The following RTP2 variants were observed in gnomAD, a reference collection of about 807,000 sequenced individuals.
The protein encoded by RTP2 is receptor transporter protein 2, also known as receptor-transporting protein 2.
In RTP2, 12 loss-of-function variants were observed where a neutral mutation model predicts 17.9. The ratio of observed to expected loss-of-function variants is 0.67; its 90% confidence interval spans 0.43 to 1.09. RTP2 has a LOEUF of 1.09. Among genes scored for constraint, RTP2 ranks in the 50% least tolerant of loss-of-function variants. RTP2 has a pLI of 0.00. For synonymous variants in RTP2, 126 were observed against 117.7 expected (o/e 1.07, Z -0.46); for missense variants, 327 against 295.7 (o/e 1.11, Z -0.78).
upstream of RTP2, among the ~76,000 whole-genome samples, chr3:187,703,976 T>C (rs2108543791): frequency 6.6e-6 from 1 of 152,302 alleles, no homozygotes; most frequent in Middle Eastern, 3.4e-3. Context: ...TCACTTTTCA[T>C]ACAATCAGTG....
the RTP2 span, among the ~76,000 whole-genome samples, chr3:187,711,214 T>C: frequency 6.6e-6 from 1 of 152,198 alleles, no homozygotes. Flanking sequence ...ATGCATTCAG[T>C]AAGCATTTAT....
the RTP2 span, among the ~76,000 whole-genome samples, chr3:187,710,558 T>G: frequency 6.6e-6 from 1 of 151,684 alleles, no homozygotes. Context: ...TATATATGTG[T>G]GTGTATATGA....
upstream of RTP2, among the ~76,000 whole-genome samples, chr3:187,706,439 T>A (rs1043380726): frequency 6.6e-6 from 1 of 152,110 alleles, no homozygotes; most frequent in Non-Finnish European, 1.5e-5. Context: ...GAAAACCCAC[T>A]GACCAGAATA....
Position 187,702,208 on chromosome 3 carries a change from C to A in RTP2, c.-80G>T. The stretch of plus-strand genomic sequence containing the variant: ...GAGCACGGATAGGTACGGGACAATT[C>A]AGTGTCTACGGTCAGAATCCTCATC... On this transcript the variant is annotated 5_prime_UTR_variant, in exon 1 of 2. It introduces an in-frame stop codon into an upstream open reading frame of the 5' UTR. Coordinates refer to ENST00000358241, the Ensembl canonical transcript of RTP2. The A allele has an allele frequency of 7.2e-7, 1 of 1,391,902 alleles. No individual in the cohort carries two copies. Among genetic ancestry groups the A allele is most frequent in the South Asian group, 1.4e-5 (1 of 73,880 alleles). 86.2% of individuals were successfully genotyped at this position (1,391,902 alleles called of 1,614,324 possible). A position where few individuals can be genotyped will look rare whatever the true frequency, so the allele number is the denominator to read the frequency against.
chr3:187,706,575 C>T (rs1405180400), upstream of RTP2, among the ~76,000 whole-genome samples: 1 of 152,086 alleles, frequency 6.6e-6, no homozygotes, highest in Non-Finnish European at 1.5e-5. Flanking sequence ...CAATGCATGC[C>T]TCACTTCATC....
chr3:187,709,613 A>C, the RTP2 span, among the ~76,000 whole-genome samples: 1 of 152,176 alleles, frequency 6.6e-6, no homozygotes, highest in African/African-American at 2.4e-5. Context: ...TGAACCCAGG[A>C]GGCAGAGGTT....
exon 2 of RTP2, chr3:187,698,703 C>G (rs778730442): frequency 2.5e-6 from 4 of 1,613,958 alleles, no homozygotes; most frequent in Non-Finnish European, 3.4e-6. Flanking sequence ...GCCCTCCTGG[C>G]AGGCCTCACA....
At chr3:187,698,914 G>C in exon 2 of RTP2, 1 of 1,610,368 alleles carries the variant, frequency 6.2e-7, no homozygotes, top group South Asian at 1.1e-5. Flanking sequence ...ACGCGCATGC[G>C]CACCGAGCCC....
the RTP2 span, among the ~76,000 whole-genome samples, chr3:187,710,244 T>TGGCTCTCA: frequency 2.0e-5 from 3 of 152,116 alleles, no homozygotes; most frequent in Non-Finnish European, 4.4e-5. Context: ...ATCAGCTCTC[T>TGGCTCTCA]GGCTCTCAGG....
the RTP2 span, among the ~76,000 whole-genome samples, chr3:187,714,986 C>T: frequency 3.4e-3 from 520 of 151,748 alleles, 3 homozygotes; most frequent in African/African-American, 0.012. Context: ...CACAAACAAA[C>T]AAAAAACAAA....
intron 1 of RTP2, among the ~76,000 whole-genome samples, chr3:187,700,084 G>T (rs543086141): frequency 1.8e-4 from 28 of 152,192 alleles, no homozygotes; most frequent in Non-Finnish European, 3.4e-4. Context: ...TGGATCCATT[G>T]TATGATGGCC....
In RTP2 at chr3:187,702,295, T is replaced by C. The variant is rs1717873247; in HGVS notation, c.-167A>G. On this transcript the variant is annotated 5_prime_UTR_variant, in exon 1 of 2. An upstream start codon of the reference 5' UTR is lost. Transcript: ENST00000358241. ...TCTGTTACCCTGGAACCTGTTACCA[T>C]GGTAGCCAGGCAGGGCACCAAGAGT... The C allele has an allele frequency of 5.9e-6, 4 of 674,406 alleles. No individual in the cohort carries two copies. Among genetic ancestry groups the C allele is most frequent in the East Asian group, 2.7e-5 (1 of 36,706 alleles). The allele number at this position is 674,406 out of a possible 1,614,324, so 41.8% of individuals were successfully genotyped here. A position where few individuals can be genotyped will look rare whatever the true frequency, so the allele number is the denominator to read the frequency against.
chr3:187,713,283 A>T, the RTP2 span, among the ~76,000 whole-genome samples: 1 of 152,202 alleles, frequency 6.6e-6, no homozygotes, highest in Non-Finnish European at 1.5e-5. Context: ...CTAAGAGAAT[A>T]CCAACCCTAA....
At chr3:187,711,131 A>C in the RTP2 span, among the ~76,000 whole-genome samples, 1 of 152,146 alleles carries the variant, frequency 6.6e-6, no homozygotes, top group Admixed American at 6.6e-5. Flanking sequence ...AATGGCTCAA[A>C]GAGTCTTCCA....
chr3:187,705,783 T>C (rs1281391134), upstream of RTP2, among the ~76,000 whole-genome samples: 4 of 152,202 alleles, frequency 2.6e-5, no homozygotes, highest in African/African-American at 2.4e-5. Context: ...CAGAATTGAC[T>C]ATGTACTTCA....
At chr3:187,713,173 G>A in the RTP2 span, among the ~76,000 whole-genome samples, 4 of 152,212 alleles carry the variant, frequency 2.6e-5, no homozygotes, top group African/African-American at 9.6e-5. Context: ...GGCACCAGCC[G>A]TCCAGGGACA....
chr3:187,700,235 T>G (rs1717811525), intron 1 of RTP2, among the ~76,000 whole-genome samples: 1 of 152,254 alleles, frequency 6.6e-6, no homozygotes, highest in South Asian at 2.1e-4. Context: ...CCTGATCACA[T>G]GAGCATAGAA....
chr3:187,708,629 T>G, the RTP2 span, among the ~76,000 whole-genome samples: 1 of 152,246 alleles, frequency 6.6e-6, no homozygotes, highest in Non-Finnish European at 1.5e-5. Context: ...GACTAGTTCC[T>G]CATCTTAAAT....
chr3:187,703,562 A>T (rs1394056673), upstream of RTP2, among the ~76,000 whole-genome samples: 2 of 152,180 alleles, frequency 1.3e-5, no homozygotes, highest in Admixed American at 6.5e-5. Context: ...ATTGACATTG[A>T]ATTAAAACAA....
Sources: allele counts gnomAD v4.1 joint callset (sites outside exome capture counted in the v4.1 genomes callset), GRCh38; gene constraint gnomAD v4.1.1; transcripts MANE v1.5; gene names NCBI Gene and HGNC (gene_info 2026-07-23, HGNC 2026-07-21).